The following DPY19L2 variants were observed in gnomAD, a reference collection of about 807,000 sequenced individuals.
The protein encoded by DPY19L2 is probable C-mannosyltransferase DPY19L2.
A neutral mutation model predicts 97.9 loss-of-function variants in DPY19L2; 34 were observed. The ratio of observed to expected loss-of-function variants is 0.35; its 90% CI spans 0.26 to 0.46. The LOEUF (loss-of-function observed/expected upper bound fraction) is 0.46, where lower values mean the gene tolerates loss of function less well. DPY19L2 is among the 20% of genes least tolerant of loss of function. DPY19L2 has a pLI of 1.00. For synonymous variants in DPY19L2, 230 were observed against 307.9 expected, an observed-to-expected ratio of 0.75 and a Z score of 2.65; for missense variants, 623 against 911.4, an observed-to-expected ratio of 0.68 and a Z score of 4.07.
intron 6 of DPY19L2, among the ~76,000 whole-genome samples, chr12:63,640,283 T>G (rs954216309): frequency 6.6e-6 from 1 of 152,130 alleles, no homozygotes; most frequent in African/African-American, 2.4e-5. Context: ...CACACCAATA[T>G]GGCACAAGTA....
intron 6 of DPY19L2, among the ~76,000 whole-genome samples, chr12:63,632,373 G>C (rs184206443): frequency 1.3e-5 from 2 of 152,070 alleles, no homozygotes; most frequent in African/African-American, 4.8e-5. Context: ...AAAGTCTCAG[G>C]ATACAAAATC....
At chr12:63,606,781 T>C (rs1886113695) in intron 12 of DPY19L2, among the ~76,000 whole-genome samples, 1 of 152,150 alleles carries the variant, frequency 6.6e-6, no homozygotes, top group Non-Finnish European at 1.5e-5. Flanking sequence ...ATTTCCCTTC[T>C]TGTAATGATT....
At position 63,576,825 on chromosome 12, in the gene DPY19L2, T is replaced by C. The variant is rs182925573; in HGVS notation, c.1900+3837A>G. Among the ~76,000 whole-genome samples the C allele has an allele frequency of 5.3e-4, 80 of 152,110 alleles. 1 individual carries two copies. Among genetic ancestry groups the C allele is most frequent in the African/African-American group, 1.9e-3 (78 of 41,530 alleles). ...TGGAAAGCTATTCCATGTTCAAGCA[T>C]TGGAAGAATCAATACTGTTAAAATG... On this transcript the variant is annotated intron_variant, in intron 19 of 21. Coordinates refer to ENST00000324472, the MANE Select transcript of DPY19L2 (RefSeq NM_173812.5).
intron 11 of DPY19L2, among the ~76,000 whole-genome samples, chr12:63,615,862 C>T (rs1281482632): frequency 1.3e-5 from 2 of 151,956 alleles, no homozygotes; most frequent in Non-Finnish European, 2.9e-5. Flanking sequence ...TAATACATAA[C>T]ACAGTCAGCC....
chr12:63,635,852 C>G (rs1482944753), intron 6 of DPY19L2, among the ~76,000 whole-genome samples: 1 of 152,182 alleles, frequency 6.6e-6, no homozygotes, highest in African/African-American at 2.4e-5. Context: ...GGAAAACACT[C>G]TTGAAGATAT....
At chr12:63,575,398 C>G (rs1387733268) in intron 19 of DPY19L2, among the ~76,000 whole-genome samples, 2 of 151,648 alleles carry the variant, frequency 1.3e-5, no homozygotes, top group African/African-American at 4.8e-5. Flanking sequence ...CTCAATGATG[C>G]TTCTTAAAAA....
At chr12:63,595,252 T>G (rs1242667872) in intron 15 of DPY19L2, among the ~76,000 whole-genome samples, 2 of 152,144 alleles carry the variant, frequency 1.3e-5, no homozygotes, top group African/African-American at 4.8e-5. Flanking sequence ...TGCTTAAAAG[T>G]ATACAATAAA....
At chr12:63,663,036 C>T (rs1317564496) in intron 3 of DPY19L2, among the ~76,000 whole-genome samples, 2 of 152,110 alleles carry the variant, frequency 1.3e-5, no homozygotes, top group African/African-American at 4.8e-5. Context: ...GAATCGTACA[C>T]TTAAATGATA....
chr12:63,601,214 C>A (rs949446830), intron 12 of DPY19L2, among the ~76,000 whole-genome samples: 19 of 152,160 alleles, frequency 1.2e-4, no homozygotes, highest in Admixed American at 5.9e-4. Context: ...CTTAAAAGTT[C>A]TTCTACCACT....
intron 4 of DPY19L2, among the ~76,000 whole-genome samples, chr12:63,656,137 C>CT (rs934274018): frequency 6.6e-6 from 1 of 152,090 alleles, no homozygotes; most frequent in African/African-American, 2.4e-5. Flanking sequence ...GCTGACATTG[C>CT]TGGAAGGCCA....
chr12:63,630,911 A>C (rs1049949203), intron 6 of DPY19L2, among the ~76,000 whole-genome samples: 1 of 152,192 alleles, frequency 6.6e-6, no homozygotes, highest in South Asian at 2.1e-4. Context: ...GGATTAATAA[A>C]CTCACTCAAA....
intron 11 of DPY19L2, among the ~76,000 whole-genome samples, chr12:63,609,102 AAGAG>A (rs1301465895): frequency 6.6e-6 from 1 of 152,154 alleles, no homozygotes; most frequent in Non-Finnish European, 1.5e-5. Context: ...ACTTATGTGA[AAGAG>A]AAAGAACTTC....
At chr12:63,616,551 G>T (rs549137910) in intron 11 of DPY19L2, among the ~76,000 whole-genome samples, 1 of 152,064 alleles carries the variant, frequency 6.6e-6, no homozygotes, top group Admixed American at 6.5e-5. Context: ...GGGAGGTACA[G>T]GAGAATATTC....
At chr12:63,610,332 TCATTGAA>T (rs1886740158) in intron 11 of DPY19L2, among the ~76,000 whole-genome samples, 1 of 151,442 alleles carries the variant, frequency 6.6e-6, no homozygotes, top group African/African-American at 2.4e-5. Context: ...TATATCTTCC[TCATTGAA>T]ACATGGTAAT....
chr12:63,656,524 T>C (rs1894998286), intron 4 of DPY19L2, among the ~76,000 whole-genome samples: 1 of 152,202 alleles, frequency 6.6e-6, no homozygotes, highest in South Asian at 2.1e-4. Flanking sequence ...TATTCATTCA[T>C]GCATTTGTTT....
At chr12:63,651,729 T>A in intron 4 of DPY19L2, 1 of 407,404 alleles carries the variant, frequency 2.5e-6, no homozygotes, top group South Asian at 2.2e-5. Context: ...CTGCAATCTC[T>A]CCAAGACGGA....
At chr12:63,668,575 C>T, upstream of DPY19L2, 1 of 649,062 alleles carries the variant, frequency 1.5e-6, no homozygotes, top group South Asian at 2.0e-5. Flanking sequence ...GGAAGCCATT[C>T]GCGCGGGCAG....
Position 63,661,478 on chromosome 12 carries a change from G to T in DPY19L2, c.454C>A (p.Leu152Ile), listed in dbSNP as rs796428736. 1.3e-6 allele frequency: 2 copies of T among 1,547,426 alleles called. No individual in the cohort carries two copies. The highest frequency in any genetic ancestry group is 1.3e-5 in the South Asian group (1 of 78,560). The change falls in exon 4 of 22, where the codon CTT (leucine) becomes ATT (isoleucine). Residue 152 changes from leucine (L) to isoleucine (I), a missense_variant. By Grantham distance (5) the Leu-to-Ile change is conservative (BLOSUM62 2). Around this residue, in one of 6 missense-constraint regions of DPY19L2, gnomAD observed 84 missense variants for 125.4 expected, o/e 0.67. Coordinates refer to ENST00000324472, the MANE Select transcript of DPY19L2 (RefSeq NM_173812.5). ...REMTFRTEMG[L>I]YYSYFKTIIE... is the part of the protein sequence containing the mutation. Reference sequence around the variant, plus strand: ...ATGGTCTTGAAGTATGAATAATAAAGTCCCTTTTTTTAAAAAAAGACATAT... The same window carrying T: ...ATGGTCTTGAAGTATGAATAATAAATTCCCTTTTTTTAAAAAAAGACATAT...
intron 9 of DPY19L2, 118 bp downstream of exon 9, chr12:63,621,120 T>C (rs1888627893): frequency 1.5e-6 from 1 of 646,850 alleles, no homozygotes; most frequent in Non-Finnish European, 2.6e-6. Context: ...AGGTGATGGG[T>C]TGATAGATGC....
Sources: allele counts gnomAD v4.1 joint callset (sites outside exome capture counted in the v4.1 genomes callset), GRCh38; gene constraint gnomAD v4.1.1; regional missense constraint gnomAD v4.1.1; transcripts MANE v1.5; gene names NCBI Gene and HGNC (gene_info 2026-07-23, HGNC 2026-07-21).